The following KALRN variants were observed in gnomAD, a reference collection of about 807,000 sequenced individuals.
KALRN encodes kalirin.
In KALRN, 70 loss-of-function variants were observed where a neutral mutation model predicts 353.7. The observed-to-expected ratio is 0.20, with a 90% CI of 0.16 to 0.24. The LOEUF is 0.24. Among genes scored for constraint, KALRN ranks in the 10% least tolerant of loss-of-function variants. The pLI is 1.00. For missense variants in KALRN, 2,791 were observed against 3,756.7 expected (o/e 0.74, Z 6.72); for synonymous variants, 1,391 against 1,434.8 (o/e 0.97, Z 0.69).
chr3:124,097,154 T>G (rs1207170602), intron 1 of KALRN, among the ~76,000 whole-genome samples: 1 of 152,256 alleles, frequency 6.6e-6, no homozygotes, highest in African/African-American at 2.4e-5. Flanking sequence ...AAAAGAATTT[T>G]CAGTTATAGC....
At chr3:124,301,713 A>T (rs1410668485) in intron 6 of KALRN, among the ~76,000 whole-genome samples, 1 of 152,246 alleles carries the variant, frequency 6.6e-6, no homozygotes, top group Non-Finnish European at 1.5e-5. Context: ...GCCAAGAAAC[A>T]CATGTATGCA....
chr3:124,298,614 G>T (rs1269971257), intron 5 of KALRN, among the ~76,000 whole-genome samples, 177 bp from the exon 6 acceptor site: 1 of 152,072 alleles, frequency 6.6e-6, no homozygotes, highest in Non-Finnish European at 1.5e-5. Flanking sequence ...AAAAGTGAGG[G>T]CTCTCCTGAG....
chr3:124,092,038 A>G (rs558820975), intron 1 of KALRN, among the ~76,000 whole-genome samples: 24 of 152,304 alleles, frequency 1.6e-4, no homozygotes, highest in Admixed American at 4.6e-4. Flanking sequence ...GTTGAAGCCA[A>G]TCTTGAGTAA....
chr3:124,334,180 G>A lies in KALRN; in HGVS notation c.1417-85G>A. On this transcript the variant is annotated intron_variant, in intron 8 of 59. Coordinates refer to ENST00000682506, the MANE Select transcript of KALRN (RefSeq NM_001388419.1). This position sits in a 1 kb window ranked among gnomAD's most constrained non-coding sequence, Gnocchi z 4.2. The stretch of plus-strand genomic sequence containing the variant: ...GAGATTCTCAGAAGGCCTAGTCAGG[G>A]ACCCTCAGGCAGACACTTCCTGCTT... 8.6e-7 allele frequency: 1 copy of A among 1,159,248 alleles called. No homozygotes were observed. The highest frequency in any genetic ancestry group is 1.7e-5 in the Admixed American group (1 of 57,662). The allele number at this position is 1,159,248 out of a possible 1,614,324, so 71.8% of individuals were successfully genotyped here. A position where few individuals can be genotyped will look rare whatever the true frequency, so the allele number is the denominator to read the frequency against.
At chr3:124,491,465 A>T (rs1408182501) in intron 31 of KALRN, 41 bp downstream of exon 31, 3 of 1,431,738 alleles carry the variant, frequency 2.1e-6, no homozygotes, top group East Asian at 2.5e-5. Context: ...AGGGTTGGGG[A>T]TAATAGAAGT....
At chr3:124,220,402 A>ATG (rs767328491) in intron 1 of KALRN, among the ~76,000 whole-genome samples, 111 of 149,226 alleles carry the variant, frequency 7.4e-4, no homozygotes, top group African/African-American at 1.6e-3. Flanking sequence ...GTGTGTGTGT[A>ATG]TGTGTGTGTG....
intron 1 of KALRN, among the ~76,000 whole-genome samples, chr3:124,138,050 A>G (rs932496709): frequency 1.3e-5 from 2 of 152,194 alleles, no homozygotes; most frequent in Non-Finnish European, 2.9e-5. Flanking sequence ...AGTGGCCCCC[A>G]GCAGGCTGGT....
intron 1 of KALRN, among the ~76,000 whole-genome samples, chr3:124,189,809 T>C (rs1176764619): frequency 2.0e-5 from 3 of 151,880 alleles, no homozygotes; most frequent in Non-Finnish European, 4.4e-5. Context: ...TGTGGTGGCA[T>C]GCGCCTGTAA....
intron 1 of KALRN, among the ~76,000 whole-genome samples, chr3:124,107,646 G>T (rs1237929910): frequency 3.9e-5 from 6 of 152,172 alleles, no homozygotes; most frequent in Non-Finnish European, 8.8e-5. Context: ...CTGCCACAGG[G>T]AGAGAATCCC....
In KALRN at chr3:124,724,281, G is replaced by A. The variant is rs978213400; in HGVS notation, c.*4811G>A. The A allele has an allele frequency of 6.6e-6, 1 of 152,114 alleles. No individual in the cohort carries two copies. Among genetic ancestry groups the A allele is most frequent in the Non-Finnish European group, 1.5e-5 (1 of 68,004 alleles). The allele number at this position is 152,114 out of a possible 1,614,324, so 9.4% of individuals were successfully genotyped here. A position where few individuals can be genotyped will look rare whatever the true frequency, so the allele number is the denominator to read the frequency against. ...TGTACGTAAGAGGTCTTTGTAGTAG[G>A]GCAAAGTTCAAACTCACCATGTCCT... On this transcript the variant is annotated 3_prime_UTR_variant, in exon 60 of 60. Transcript: ENST00000682506.
chr3:124,195,669 A>G (rs1023608193), intron 1 of KALRN, among the ~76,000 whole-genome samples: 27 of 152,174 alleles, frequency 1.8e-4, no homozygotes, highest in African/African-American at 5.8e-4. Flanking sequence ...ACAAGAGCCT[A>G]TCTTTGCTTC....
At chr3:124,048,666 G>A (rs1288890982) in intron 1 of KALRN, among the ~76,000 whole-genome samples, 1 of 151,996 alleles carries the variant, frequency 6.6e-6, no homozygotes, top group Non-Finnish European at 1.5e-5. Context: ...TGTATTTTTA[G>A]TAGAGACGGG....
At chr3:124,370,926 G>A (rs991602588) in intron 10 of KALRN, among the ~76,000 whole-genome samples, 10 of 152,172 alleles carry the variant, frequency 6.6e-5, no homozygotes, top group South Asian at 4.2e-4. Flanking sequence ...CTGCTGCTGC[G>A]GGCTTCATCT....
chr3:124,191,454 C>T (rs1033600839), intron 1 of KALRN, among the ~76,000 whole-genome samples: 1 of 151,918 alleles, frequency 6.6e-6, no homozygotes, highest in Admixed American at 6.6e-5. Context: ...GACACTATCA[C>T]TTGAGAGATT....
At chr3:124,601,384 T>C (rs1225694593) in intron 34 of KALRN, among the ~76,000 whole-genome samples, 1 of 152,236 alleles carries the variant, frequency 6.6e-6, no homozygotes, top group Non-Finnish European at 1.5e-5. Flanking sequence ...TTAATGACTA[T>C]TTCTCAAAGC....
chr3:124,065,111 T>G (rs2042250361), intron 1 of KALRN, among the ~76,000 whole-genome samples: 1 of 152,176 alleles, frequency 6.6e-6, no homozygotes. Context: ...TTGTACTAGA[T>G]TTATACCAGA....
chr3:124,203,859 G>C (rs1230686225), intron 1 of KALRN, among the ~76,000 whole-genome samples: 1 of 152,196 alleles, frequency 6.6e-6, no homozygotes, highest in East Asian at 1.9e-4. Context: ...ACACGGGTTT[G>C]AATTGCGTGG....
chr3:124,622,983 G>T (rs969498165), intron 34 of KALRN, among the ~76,000 whole-genome samples: 2 of 152,122 alleles, frequency 1.3e-5, no homozygotes, highest in Non-Finnish European at 2.9e-5. Context: ...TTAGAAACAA[G>T]AAATTAAATT....
chr3:124,507,484 C>T (rs760207951), intron 33 of KALRN, among the ~76,000 whole-genome samples: 1 of 152,052 alleles, frequency 6.6e-6, no homozygotes, highest in African/African-American at 2.4e-5. Context: ...TCTGTTAACA[C>T]GGAAGAATGA....
Sources: allele counts gnomAD v4.1 joint callset (sites outside exome capture counted in the v4.1 genomes callset), GRCh38; gene constraint gnomAD v4.1.1; non-coding constraint Gnocchi (gnomAD v3.1); transcripts MANE v1.5; gene names NCBI Gene and HGNC (gene_info 2026-07-23, HGNC 2026-07-21).